SH3BP4: variants seen among roughly 807,000 people sequenced by gnomAD.
SH3BP4 encodes the protein SH3 domain-binding protein 4.
In SH3BP4, 33 loss-of-function variants were observed where a neutral mutation model predicts 65.5. That is an observed-to-expected ratio of 0.50 (90% CI 0.38 to 0.67). The LOEUF (loss-of-function observed/expected upper bound fraction) is 0.67. Among genes scored for constraint, SH3BP4 ranks in the 30% least tolerant of loss-of-function variants. SH3BP4 has a pLI of 0.00. For missense variants in SH3BP4, 1,134 were observed against 1,261.4 expected (o/e 0.90, Z 1.53); for synonymous variants, 552 against 545.5 (o/e 1.01, Z -0.17).
intron 1 of SH3BP4, among the ~76,000 whole-genome samples, chr2:234,985,691 G>A (rs960812995): frequency 5.9e-5 from 9 of 152,158 alleles, no homozygotes; most frequent in South Asian, 2.1e-4. Context: ...ATGTATGTTC[G>A]GGTGAAGCAG....
chr2:235,042,674 C>T lies in SH3BP4; in HGVS notation c.1905C>T (p.Ile635=). ...FLKKNEVGKI[I]LSPFATTTKY... Reference sequence around the variant, plus strand: ...AGAAGAACGAAGTCGGGAAAATCATCCTGTCCCCGTTTGCCACCACTACAA... The same window carrying T: ...AGAAGAACGAAGTCGGGAAAATCATTCTGTCCCCGTTTGCCACCACTACAA... Residue 635 remains isoleucine (I), a synonymous_variant, in exon 4 of 6, where the codon ATC becomes ATT. Coordinates refer to ENST00000392011, the MANE Select transcript of SH3BP4 (RefSeq NM_014521.3). The surrounding 1 kb of genome is among the most constrained non-coding windows in gnomAD (Gnocchi z 7.3). 1 of 1,614,186 alleles carries T rather than the reference C, an allele frequency of 6.2e-7. No homozygotes were observed. Among genetic ancestry groups the T allele is most frequent in the Non-Finnish European group, 8.5e-7 (1 of 1,180,030 alleles).
chr2:234,959,210 C>T (rs1574771255), intron 1 of SH3BP4, among the ~76,000 whole-genome samples: 1 of 152,222 alleles, frequency 6.6e-6, no homozygotes, highest in South Asian at 2.1e-4. Context: ...TTCTCAGACA[C>T]ACCCGAGGAA....
chr2:235,043,878 G>A (rs1695757169), intron 4 of SH3BP4, among the ~76,000 whole-genome samples: 1 of 152,282 alleles, frequency 6.6e-6, no homozygotes, highest in Non-Finnish European at 1.5e-5. Flanking sequence ...GGGATCCTGG[G>A]GGGCCCCAGA....
In SH3BP4 at chr2:235,045,551, G is replaced by T. The variant is rs760889287; in HGVS notation, c.2478+2304G>T. 1.3e-5 allele frequency among the ~76,000 whole-genome samples: 2 copies of T among 152,172 alleles called. No individual in the cohort carries two copies. Among genetic ancestry groups the T allele is most frequent in the South Asian group, 2.1e-4 (1 of 4,816 alleles). Reference sequence around the variant, plus strand: ...AGTGAAACTTGCCCTTGGCCAGGTCGGCTCCCTGAGGCAAGGTTAGATTTT... The same window carrying T: ...AGTGAAACTTGCCCTTGGCCAGGTCTGCTCCCTGAGGCAAGGTTAGATTTT... On this transcript the variant is annotated intron_variant, in intron 4 of 5. Coordinates refer to ENST00000392011, the MANE Select transcript of SH3BP4 (RefSeq NM_014521.3). The surrounding 1 kb of genome is among the most constrained non-coding windows in gnomAD (Gnocchi z 4.3).
chr2:234,980,995 G>A lies in SH3BP4; in HGVS notation c.-206-14308G>A, dbSNP rs117490303. 1.5e-3 allele frequency among the ~76,000 whole-genome samples: 235 copies of A among 152,306 alleles called. 4 individuals are homozygous for A. The East Asian group carries it at 0.043, about 28-fold the overall frequency. On this transcript the variant is annotated intron_variant, in intron 1 of 5. Transcript: ENST00000392011. ...CAACCTCCGCCTCCTGGGTAGCTGGGATTACAGCCTTGTGCCACCATGCCT... is the reference window on the plus strand; with the variant it reads ...CAACCTCCGCCTCCTGGGTAGCTGGAATTACAGCCTTGTGCCACCATGCCT...
At position 235,035,164 on chromosome 2, in the gene SH3BP4, G is replaced by C; in HGVS notation, c.118+44G>C. On this transcript the variant is annotated intron_variant, in intron 3 of 5. Transcript: ENST00000392011. This position sits in a 1 kb window ranked among gnomAD's most constrained non-coding sequence, Gnocchi z 5.0. The stretch of plus-strand genomic sequence containing the variant: ...GGACTGTGGCTAAGGGAGAACGTTG[G>C]GATTTTCAAGTTGGGATCCAAGAAC... The C allele has an allele frequency of 2.1e-6, 3 of 1,441,410 alleles. No individual in the cohort carries two copies. Among genetic ancestry groups the C allele is most frequent in the Non-Finnish European group, 2.9e-6 (3 of 1,025,412 alleles). 89.3% of individuals were successfully genotyped at this position (1,441,410 alleles called of 1,614,324 possible). A position where few individuals can be genotyped will look rare whatever the true frequency, so the allele number is the denominator to read the frequency against.
chr2:235,041,394 A>G lies in SH3BP4; in HGVS notation c.625A>G (p.Thr209Ala), dbSNP rs201341036. 1.4e-5 allele frequency: 23 copies of G among 1,614,064 alleles called. No homozygotes were observed. Among genetic ancestry groups the G allele is most frequent in the Non-Finnish European group, 1.7e-6 (2 of 1,180,038 alleles). ...TSSFTESSSA[T>A]TNSTGNIFDE... Reference sequence around the variant, plus strand: ...CTCCTTCACCGAATCCAGCTCAGCCACCACGAATAGCACTGGCAACATCTT... The same window carrying G: ...CTCCTTCACCGAATCCAGCTCAGCCGCCACGAATAGCACTGGCAACATCTT... Residue 209 changes from threonine (T) to alanine (A), a missense_variant, in exon 4 of 6, where the codon ACC becomes GCC. Coordinates refer to ENST00000392011, the MANE Select transcript of SH3BP4 (RefSeq NM_014521.3). The surrounding 1 kb of genome is among the most constrained non-coding windows in gnomAD (Gnocchi z 6.0).
chr2:235,053,971 C>T lies in SH3BP4; in HGVS notation c.*155C>T. ...GCTACACCCATCATGCGCCGCCCTC[C>T]TCCATCGAGGGAGAGGCCTGAAGGG... On this transcript the variant is annotated 3_prime_UTR_variant, in exon 6 of 6. Coordinates refer to ENST00000392011, the MANE Select transcript of SH3BP4 (RefSeq NM_014521.3). 1 of 619,554 alleles carries T rather than the reference C, an allele frequency of 1.6e-6. No individual in the cohort carries two copies. Among genetic ancestry groups the T allele is most frequent in the South Asian group, 1.9e-5 (1 of 51,432 alleles). 38.4% of individuals were successfully genotyped at this position (619,554 alleles called of 1,614,324 possible). A position where few individuals can be genotyped will look rare whatever the true frequency, so the allele number is the denominator to read the frequency against.
At position 235,053,856 on chromosome 2, in the gene SH3BP4, C is replaced by G; in HGVS notation, c.*40C>G. 6.7e-7 allele frequency: 1 copy of G among 1,487,404 alleles called. No individual in the cohort carries two copies. The highest frequency in any genetic ancestry group is 1.7e-5 in the Admixed American group (1 of 59,752). The allele number at this position is 1,487,404 out of a possible 1,614,324, so 92.1% of individuals were successfully genotyped here. ...CTCCTGCTGCTCTGGAGTGCAAGCC[C>G]TCTTCTGCCCTGCGTGCCCTGCTGT... On this transcript the variant is annotated 3_prime_UTR_variant, in exon 6 of 6. Transcript: ENST00000392011.
Position 234,959,105 on chromosome 2 carries a change from A to G in SH3BP4, c.-207+6935A>G, listed in dbSNP as rs1346522530. Among the ~76,000 whole-genome samples, 8 of 152,100 alleles carry G rather than the reference A, an allele frequency of 5.3e-5. No individual in the cohort carries two copies. In the East Asian group the frequency reaches 1.5e-3, roughly 29 times the overall value. ...ATCATAACATCTGCAACTTTTTCCC[A>G]CTAGCCTTTGTGGAGGGCTGGCTGG... On this transcript the variant is annotated intron_variant, in intron 1 of 5. Coordinates refer to ENST00000392011, the MANE Select transcript of SH3BP4 (RefSeq NM_014521.3).
At chr2:234,988,273 A>G (rs961918695) in intron 1 of SH3BP4, among the ~76,000 whole-genome samples, 1 of 152,034 alleles carries the variant, frequency 6.6e-6, no homozygotes. Flanking sequence ...GTTAGCCAGG[A>G]TAGTCTTGAT....
rs1559254245 is a variant in SH3BP4, at chr2:235,038,301, A to AATATATAT, written c.119-2587_119-2586insATATATAT. Among the ~76,000 whole-genome samples the AATATATAT allele has an allele frequency of 8.3e-4, 10 of 12,008 alleles. 1 individual carries two copies. Among genetic ancestry groups the AATATATAT allele is most frequent in the African/African-American group, 5.0e-3 (10 of 1,982 alleles). The allele number at this position is 12,008 out of a possible 152,430, so 7.9% of individuals were successfully genotyped here. A position where few individuals can be genotyped will look rare whatever the true frequency, so the allele number is the denominator to read the frequency against. ...ATATATTATATATAATATATATATT[A>AATATATAT]TATATATATATTATATATTATATAT... On this transcript the variant is annotated intron_variant, in intron 3 of 5. Transcript: ENST00000392011.
chr2:234,956,854 C>T (rs996183326), intron 1 of SH3BP4, among the ~76,000 whole-genome samples: 5 of 152,120 alleles, frequency 3.3e-5, no homozygotes, highest in South Asian at 4.2e-4. Flanking sequence ...GTATGTTGCC[C>T]TGCCCTTGCC....
At chr2:235,029,937 G>A (rs796334414) in intron 2 of SH3BP4, among the ~76,000 whole-genome samples, 2 of 152,312 alleles carry the variant, frequency 1.3e-5, no homozygotes, top group African/African-American at 4.8e-5. Flanking sequence ...GGAAGCTTGG[G>A]TGAGGTTGAA....
At position 235,012,353 on chromosome 2, in the gene SH3BP4, A is replaced by C. The variant is rs550324392; in HGVS notation, c.-133+16977A>C. Among the ~76,000 whole-genome samples, 11 of 152,296 alleles carry C rather than the reference A, an allele frequency of 7.2e-5. No homozygotes were observed. The South Asian group carries it at 2.3e-3, about 32-fold the overall frequency. ...ATTGCTGACCAGGCTCCACTTACACAGGTTGAGAAGGGTGGTGGCTACAAA... is the reference window on the plus strand; with the variant it reads ...ATTGCTGACCAGGCTCCACTTACACCGGTTGAGAAGGGTGGTGGCTACAAA... On this transcript the variant is annotated intron_variant, in intron 2 of 5. Coordinates refer to ENST00000392011, the MANE Select transcript of SH3BP4 (RefSeq NM_014521.3).
At chr2:234,995,840 C>G (rs185344625) in intron 2 of SH3BP4, 3 of 152,292 alleles carry the variant, frequency 2.0e-5, no homozygotes, top group Admixed American at 1.3e-4. Flanking sequence ...CGCCCTGCGA[C>G]GAGATGGGGA....
intron 2 of SH3BP4, among the ~76,000 whole-genome samples, chr2:235,024,445 C>T (rs1694934898): frequency 6.6e-6 from 1 of 152,142 alleles, no homozygotes; most frequent in African/African-American, 2.4e-5. Context: ...GCTTTGGCTT[C>T]AGGGCTCCAC....
At position 234,952,422 on chromosome 2, in the gene SH3BP4, G is replaced by A. The variant is rs1471624651; in HGVS notation, c.-207+252G>A. Reference sequence around the variant, plus strand: ...CCCTGGTGCTGGTGGGCAGGGACCCGGCCCGGGGTTCCGGGCGCCGAGCCG... The same window carrying A: ...CCCTGGTGCTGGTGGGCAGGGACCCAGCCCGGGGTTCCGGGCGCCGAGCCG... On this transcript the variant is annotated intron_variant, in intron 1 of 5. Coordinates refer to ENST00000392011, the MANE Select transcript of SH3BP4 (RefSeq NM_014521.3). This position sits in a 1 kb window ranked among gnomAD's most constrained non-coding sequence, Gnocchi z 6.5. Among the ~76,000 whole-genome samples, 1 of 149,368 alleles carries A rather than the reference G, an allele frequency of 6.7e-6. No individual in the cohort carries two copies. Among genetic ancestry groups the A allele is most frequent in the South Asian group, 2.3e-4 (1 of 4,440 alleles).
intron 4 of SH3BP4, among the ~76,000 whole-genome samples, chr2:235,049,473 G>A (rs926520023): frequency 2.6e-5 from 4 of 152,178 alleles, no homozygotes; most frequent in Non-Finnish European, 4.4e-5. Context: ...GTGACTTCGT[G>A]TCAAACCCTG....
Sources: allele counts gnomAD v4.1 joint callset (sites outside exome capture counted in the v4.1 genomes callset), GRCh38; gene constraint gnomAD v4.1.1; non-coding constraint Gnocchi (gnomAD v3.1); transcripts MANE v1.5; gene names NCBI Gene and HGNC (gene_info 2026-07-23, HGNC 2026-07-21).